ERAP1: variants seen among roughly 807,000 people sequenced by gnomAD.
The protein encoded by ERAP1 is endoplasmic reticulum aminopeptidase 1, also known as adipocyte-derived leucine aminopeptidase.
A neutral mutation model predicts 103.7 loss-of-function variants in ERAP1; 86 were observed. The observed-to-expected ratio is 0.83, with a 90% CI of 0.70 to 0.99. The LOEUF (loss-of-function observed/expected upper bound fraction) is 0.99, where lower values mean the gene tolerates loss of function less well. Among genes scored for constraint, ERAP1 ranks in the 50% least tolerant of loss-of-function variants. The pLI, the probability that ERAP1 is intolerant of heterozygous loss-of-function variation, is 0.00. For synonymous variants in ERAP1, 398 were observed against 402.4 expected (o/e 0.99, Z 0.13); for missense variants, 1,009 against 1,128.4 (o/e 0.89, Z 1.52).
At chr5:96,889,827 TACATACAC>T in the ERAP1 span, among the ~76,000 whole-genome samples, 6 of 98,986 alleles carry the variant, frequency 6.1e-5, no homozygotes, top group African/African-American at 1.4e-4. Context: ...CATTAAAAAA[TACATACAC>T]ACACACACAC....
the ERAP1 span, among the ~76,000 whole-genome samples, chr5:96,850,763 T>C: frequency 6.6e-6 from 1 of 152,044 alleles, no homozygotes; most frequent in Non-Finnish European, 1.5e-5. Context: ...CAATTAAAAA[T>C]AAAAATAACT....
chr5:96,860,493 A>G, the ERAP1 span, among the ~76,000 whole-genome samples: 1 of 152,176 alleles, frequency 6.6e-6, no homozygotes, highest in Non-Finnish European at 1.5e-5. Flanking sequence ...GAGGAGAAGA[A>G]CTAGTCTTAC....
At chr5:96,878,660 A>G in the ERAP1 span, among the ~76,000 whole-genome samples, 2 of 152,042 alleles carry the variant, frequency 1.3e-5, no homozygotes, top group African/African-American at 4.8e-5. Flanking sequence ...AGGCGCAGTG[A>G]CCCACGCCTG....
intron 1 of ERAP1, 120 bp from the exon 2 acceptor site, chr5:96,804,063 T>A: frequency 9.0e-7 from 1 of 1,106,100 alleles, no homozygotes; most frequent in Non-Finnish European, 1.3e-6. Flanking sequence ...CCAAAAGTAC[T>A]AGGTCTTTTC....
the ERAP1 span, chr5:96,903,639 C>G: frequency 4.7e-6 from 6 of 1,280,688 alleles, no homozygotes; most frequent in Non-Finnish European, 6.4e-6. Context: ...ATTGAATGTT[C>G]AACATTGGTC....
the ERAP1 span, among the ~76,000 whole-genome samples, chr5:96,846,586 T>A: frequency 3.3e-5 from 5 of 152,042 alleles, no homozygotes; most frequent in African/African-American, 1.2e-4. Context: ...TAGATTCCAG[T>A]AGGTCTGAGA....
chr5:96,877,521 G>A, the ERAP1 span, among the ~76,000 whole-genome samples: 1 of 152,180 alleles, frequency 6.6e-6, no homozygotes, highest in Non-Finnish European at 1.5e-5. Context: ...GCTCCATGCT[G>A]TGCTGTGCCA....
At chr5:96,883,829 C>T in the ERAP1 span, 31 of 1,613,280 alleles carry the variant, frequency 1.9e-5, no homozygotes, top group East Asian at 4.5e-5. Flanking sequence ...AACCCAGGCA[C>T]GCATGGCTTT....
the ERAP1 span, chr5:96,881,128 G>A: frequency 1.6e-5 from 5 of 304,144 alleles, no homozygotes; most frequent in South Asian, 2.8e-5. Flanking sequence ...GGAGCCTTGG[G>A]GCGTCTTGTA....
At position 96,776,029 on chromosome 5, in the gene ERAP1, CAG is replaced by C. The variant is rs1774226314; in HGVS notation, c.*365_*366del. The C allele has an allele frequency of 8.6e-6, 10 of 1,156,326 alleles. No individual in the cohort carries two copies. The highest frequency in any genetic ancestry group is 1.9e-5 in the South Asian group (1 of 52,906). The allele number at this position is 1,156,326 out of a possible 1,614,324, so 71.6% of individuals were successfully genotyped here. ...GTTCATTGTTCAGTAGTCGACTATT[CAG>C]AGTCTTTCGAGGAGACTGATGAAAC... is the stretch of plus-strand genomic sequence containing the variant. On this transcript the variant is annotated 3_prime_UTR_variant, in exon 19 of 19. Transcript: ENST00000443439.
At chr5:96,829,435 A>C in the ERAP1 span, among the ~76,000 whole-genome samples, 1 of 152,248 alleles carries the variant, frequency 6.6e-6, no homozygotes, top group East Asian at 1.9e-4. Context: ...CCATAGCAAC[A>C]AATGAACTAG....
the ERAP1 span, chr5:96,879,870 T>A: frequency 6.4e-5 from 103 of 1,614,176 alleles, no homozygotes; most frequent in Admixed American, 1.7e-3. Flanking sequence ...GGGGAACGAT[T>A]TCCTTGGCAG....
the ERAP1 span, among the ~76,000 whole-genome samples, chr5:96,882,529 A>G: frequency 6.6e-6 from 1 of 152,248 alleles, no homozygotes; most frequent in Non-Finnish European, 1.5e-5. Context: ...CATCTAAACT[A>G]CACAAATAAT....
At chr5:96,764,493 GAA>G (rs1769119627) in intron 19 of ERAP1, among the ~76,000 whole-genome samples, 1 of 152,168 alleles carries the variant, frequency 6.6e-6, no homozygotes, top group Admixed American at 6.5e-5. Flanking sequence ...TCCTGAAGAT[GAA>G]AAGAGAGGTT....
chr5:96,880,125 A>C, the ERAP1 span: 14 of 1,614,144 alleles, frequency 8.7e-6, no homozygotes, highest in Non-Finnish European at 1.2e-5. Flanking sequence ...GCTCATGAAC[A>C]AATTGCACTG....
chr5:96,771,677 T>G (rs2150809073), downstream of ERAP1: 1 of 1,610,970 alleles, frequency 6.2e-7, no homozygotes. Context: ...AAAAGATGAC[T>G]AAAGAAATAC....
At chr5:96,857,599 A>G in the ERAP1 span, among the ~76,000 whole-genome samples, 1 of 152,244 alleles carries the variant, frequency 6.6e-6, no homozygotes, top group Non-Finnish European at 1.5e-5. Flanking sequence ...AGCATGGAGA[A>G]ATTAAGTGAC....
the ERAP1 span, chr5:96,879,616 G>C: frequency 7.9e-7 from 1 of 1,263,796 alleles, no homozygotes; most frequent in Non-Finnish European, 1.1e-6. Context: ...CATAACTGGA[G>C]CCAGTGCAGT....
chr5:96,820,898 T>G, the ERAP1 span, among the ~76,000 whole-genome samples: 3 of 152,192 alleles, frequency 2.0e-5, no homozygotes, highest in Non-Finnish European at 4.4e-5. Flanking sequence ...TCTGGAGACT[T>G]CTCTTGAATA....
Sources: gnomAD v4.1 joint callset for allele counts (sites outside exome capture counted in the v4.1 genomes callset) on GRCh38, gnomAD v4.1.1 for gene constraint, MANE v1.5 for transcripts, NCBI Gene and HGNC (gene_info 2026-07-23, HGNC 2026-07-21) for gene names.